IQGAP2: variants seen among roughly 807,000 people sequenced by gnomAD.
The protein encoded by IQGAP2 is IQ motif containing GTPase activating protein 2.
A neutral mutation model predicts 201.3 loss-of-function variants in IQGAP2; 173 were observed. The ratio of observed to expected loss-of-function variants is 0.86; its 90% CI spans 0.76 to 0.98. The LOEUF (loss-of-function observed/expected upper bound fraction) is 0.98, where lower values mean the gene tolerates loss of function less well. Ranked by LOEUF, IQGAP2 falls within the 50% of genes least tolerant of loss-of-function variation. The pLI, the probability that IQGAP2 is intolerant of heterozygous loss-of-function variation, is 0.00. For missense variants in IQGAP2, 1,687 were observed against 1,864.8 expected (o/e 0.90, Z 1.76); for synonymous variants, 675 against 673.9 (o/e 1.00, Z -0.03).
intron 30 of IQGAP2, among the ~76,000 whole-genome samples, chr5:76,686,051 G>A (rs528525896): frequency 6.6e-6 from 1 of 152,306 alleles, no homozygotes; most frequent in South Asian, 2.1e-4. Flanking sequence ...CCAATGACCA[G>A]TAATGTTGAG....
chr5:76,626,971 G>A (rs71630928), intron 13 of IQGAP2, among the ~76,000 whole-genome samples: 4 of 152,144 alleles, frequency 2.6e-5, no homozygotes, highest in Admixed American at 6.5e-5. Flanking sequence ...AGTAGGCAGG[G>A]CCATGCCGTT....
At chr5:76,557,085 A>C (rs1440798485) in intron 2 of IQGAP2, among the ~76,000 whole-genome samples, 1 of 151,856 alleles carries the variant, frequency 6.6e-6, no homozygotes, top group Non-Finnish European at 1.5e-5. Flanking sequence ...AAGCCGTGGA[A>C]CTCTACCGCT....
chr5:76,410,268 C>G lies in IQGAP2; in HGVS notation c.46+6677C>G, dbSNP rs532585008. On this transcript the variant is annotated intron_variant, in intron 1 of 35. Coordinates refer to ENST00000274364, the MANE Select transcript of IQGAP2 (RefSeq NM_006633.5). ...GACCTTGAGGAAGGTCAGAGGAAAA[C>G]CTGAAAGGCGTGCTAGTATATTTGT... Among the ~76,000 whole-genome samples, 124 of 152,238 alleles carry G rather than the reference C, an allele frequency of 8.1e-4. 2 individuals are homozygous for G. The highest frequency in any genetic ancestry group is 1.4e-3 in the Non-Finnish European group (95 of 68,022).
chr5:76,484,661 T>A (rs1255956275), intron 2 of IQGAP2, among the ~76,000 whole-genome samples: 1 of 152,038 alleles, frequency 6.6e-6, no homozygotes, highest in Non-Finnish European at 1.5e-5. Flanking sequence ...ATAAAAAAAT[T>A]AAAAAAAGAA....
intron 9 of IQGAP2, among the ~76,000 whole-genome samples, chr5:76,595,243 CTTTTTTTT>C (rs1180358517): frequency 8.5e-5 from 3 of 35,310 alleles, no homozygotes; most frequent in Non-Finnish European, 1.5e-4. Flanking sequence ...CATTTCTTTG[CTTTTTTTT>C]TTTTTTTTTT....
At chr5:76,434,650 C>T (rs981641393) in intron 1 of IQGAP2, among the ~76,000 whole-genome samples, 1 of 152,084 alleles carries the variant, frequency 6.6e-6, no homozygotes, top group African/African-American at 2.4e-5. Context: ...GTGAAAAAGA[C>T]ACCTGCATTA....
chr5:76,432,281 C>T (rs548468244), intron 1 of IQGAP2, among the ~76,000 whole-genome samples: 4 of 152,054 alleles, frequency 2.6e-5, no homozygotes, highest in African/African-American at 4.8e-5. Context: ...TGCACCACCA[C>T]GCCAGGCTAA....
At chr5:76,555,934 A>G (rs537295895) in intron 2 of IQGAP2, among the ~76,000 whole-genome samples, 2 of 152,146 alleles carry the variant, frequency 1.3e-5, no homozygotes, top group South Asian at 4.1e-4. Context: ...CACCTTACAG[A>G]TGCTGTGGGG....
intron 12 of IQGAP2, chr5:76,609,267 G>A: frequency 1.3e-6 from 2 of 1,532,890 alleles, no homozygotes; most frequent in Non-Finnish European, 1.7e-6. Context: ...GGTGACCAGA[G>A]AATGGCACTA....
chr5:76,482,926 G>A (rs1404254295), intron 2 of IQGAP2, among the ~76,000 whole-genome samples: 1 of 152,042 alleles, frequency 6.6e-6, no homozygotes, highest in African/African-American at 2.4e-5. Context: ...CTGAATTTAT[G>A]AAATGGGTCC....
At chr5:76,650,421 A>G (rs562602360) in intron 17 of IQGAP2, among the ~76,000 whole-genome samples, 100 of 152,338 alleles carry the variant, frequency 6.6e-4, no homozygotes, top group Middle Eastern at 3.4e-3. Context: ...TGTGTATTTT[A>G]ATAGATATTC....
intron 18 of IQGAP2, among the ~76,000 whole-genome samples, chr5:76,653,934 A>C (rs1489619778): frequency 6.6e-6 from 1 of 152,234 alleles, no homozygotes; most frequent in Non-Finnish European, 1.5e-5. Context: ...AATAGTACAA[A>C]GTTAAATTAT....
chr5:76,572,577 A>C (rs1745191447), intron 4 of IQGAP2, among the ~76,000 whole-genome samples: 1 of 152,056 alleles, frequency 6.6e-6, no homozygotes, highest in African/African-American at 2.4e-5. Flanking sequence ...AGCTGGGGTT[A>C]CAGGTGGGCA....
In IQGAP2 at chr5:76,510,741, T is replaced by C. The variant is rs116692474; in HGVS notation, c.146+49072T>C. 2,682 of 507,824 alleles carry C rather than the reference T, an allele frequency of 5.3e-3. 74 individuals carry two copies. The highest frequency in any genetic ancestry group is 0.048 in the African/African-American group (2,466 of 51,490). 31.5% of individuals were successfully genotyped at this position (507,824 alleles called of 1,614,324 possible). A position where few individuals can be genotyped will look rare whatever the true frequency, so the allele number is the denominator to read the frequency against. ...ACCCTCTCGGACCTAAGGGTGTACC[T>C]GGGGGCACCCACACCAGACTTGCAG... On this transcript the variant is annotated intron_variant, in intron 2 of 35. Coordinates refer to ENST00000274364, the MANE Select transcript of IQGAP2 (RefSeq NM_006633.5).
intron 5 of IQGAP2, among the ~76,000 whole-genome samples, chr5:76,584,806 G>A (rs778301046): frequency 7.2e-5 from 11 of 152,126 alleles, no homozygotes; most frequent in Non-Finnish European, 1.6e-4. Context: ...CAAACACTAA[G>A]ATGAGTCCCA....
intron 15 of IQGAP2, among the ~76,000 whole-genome samples, chr5:76,633,885 C>A (rs960562652): frequency 1.6e-4 from 25 of 152,034 alleles, no homozygotes. Flanking sequence ...GCTAATATTC[C>A]ATTGTATGAA....
intron 1 of IQGAP2, among the ~76,000 whole-genome samples, chr5:76,420,738 C>G (rs572129992): frequency 6.6e-6 from 1 of 152,308 alleles, no homozygotes; most frequent in Admixed American, 6.5e-5. Context: ...CTCCCATTCT[C>G]TCTCCTCCCA....
In IQGAP2 at chr5:76,597,485, C is replaced by G; in HGVS notation, c.954C>G (p.Asp318Glu). 6.2e-7 allele frequency: 1 copy of G among 1,614,036 alleles called. No homozygotes were observed. Among genetic ancestry groups the G allele is most frequent in the Non-Finnish European group, 8.5e-7 (1 of 1,179,976 alleles). Reference sequence around the variant, plus strand: ...TCAATGCTGTCATTCCGGAAGGTGACCCCGAGAATACGCTGCTTGCACTGA... The same window carrying G: ...TCAATGCTGTCATTCCGGAAGGTGAGCCCGAGAATACGCTGCTTGCACTGA... ...DHINAVIPEG[D>E]PENTLLALKK... Residue 318 changes from aspartate (D) to glutamate (E), a missense_variant, in exon 10 of 36, where the codon GAC becomes GAG. Physicochemically the swap from Asp to Glu is conservative, Grantham distance 45 (BLOSUM62 2). Coordinates refer to ENST00000274364, the MANE Select transcript of IQGAP2 (RefSeq NM_006633.5).
chr5:76,671,984 G>T lies in IQGAP2; in HGVS notation c.3068+1G>T. 2 of 1,600,760 alleles carry T rather than the reference G, an allele frequency of 1.2e-6. No individual in the cohort carries two copies. The highest frequency in any genetic ancestry group is 1.7e-6 in the Non-Finnish European group (2 of 1,168,602). ...TAGAAACACAGACTGGAGAGGCCAG[G>T]TAATAGAATCAGGAAGGTGTTGGTC... On this transcript the variant is annotated splice_donor_variant, in intron 24 of 35. Coordinates refer to ENST00000274364, the MANE Select transcript of IQGAP2 (RefSeq NM_006633.5). LOFTEE classifies it high-confidence loss of function.
Sources: allele counts gnomAD v4.1 joint callset (sites outside exome capture counted in the v4.1 genomes callset), GRCh38; gene constraint gnomAD v4.1.1; transcripts MANE v1.5; gene names NCBI Gene and HGNC (gene_info 2026-07-23, HGNC 2026-07-21).